Variants in STRA6 observed in about 807,000 individuals in gnomAD.
STRA6 encodes signaling receptor and transporter of retinol STRA6.
STRA6 carries 48 observed loss-of-function variants against 83.6 expected under a neutral mutation model. The observed-to-expected ratio is 0.57, with a 90% confidence interval of 0.46 to 0.73. The LOEUF (loss-of-function observed/expected upper bound fraction) is 0.73. Among genes scored for constraint, STRA6 ranks in the 30% least tolerant of loss-of-function variants. The pLI is 0.00. For missense variants in STRA6, 760 were observed against 838.8 expected, an observed-to-expected ratio of 0.91 and a Z score of 1.16; for synonymous variants, 353 against 362.3, an observed-to-expected ratio of 0.97 and a Z score of 0.29.
chr15:74,179,893 A>G lies in STRA6; in HGVS notation c.*187T>C. On this transcript the variant is annotated 3_prime_UTR_variant, in exon 19 of 19. Transcript: ENST00000395105. The stretch of plus-strand genomic sequence containing the variant: ...AACCCCTGCTGGCTCTCCCATAGCC[A>G]AGTGGGTGGAGCAGAGCCCTCCTGA... The G allele has an allele frequency of 1.4e-6, 1 of 735,148 alleles. No homozygotes were observed. The highest frequency in any genetic ancestry group is 1.9e-5 in the South Asian group (1 of 52,308). 45.5% of individuals were successfully genotyped at this position (735,148 alleles called of 1,614,324 possible).
intron 2 of STRA6, 184 bp from the exon 3 acceptor site, chr15:74,198,002 T>A (rs1490496625): frequency 4.5e-6 from 3 of 670,894 alleles, no homozygotes; most frequent in Non-Finnish European, 8.0e-6. Flanking sequence ...CTCGTGTCCC[T>A]GTGATGTGCC....
At chr15:74,202,062 C>G (rs2074094481) in intron 2 of STRA6, 93 bp downstream of exon 2, 2 of 1,330,616 alleles carry the variant, frequency 1.5e-6, no homozygotes, top group African/African-American at 3.0e-5. Flanking sequence ...CCTAGCAGCC[C>G]CTGCCCAGGA....
Position 74,202,745 on chromosome 15 carries a change from G to A in STRA6, c.-48C>T. 2 of 1,235,306 alleles carry A rather than the reference G, an allele frequency of 1.6e-6. No homozygotes were observed. The highest frequency in any genetic ancestry group is 2.0e-6 in the Non-Finnish European group (2 of 989,762). The allele number at this position is 1,235,306 out of a possible 1,614,324, so 76.5% of individuals were successfully genotyped here. On this transcript the variant is annotated 5_prime_UTR_variant, in exon 1 of 19. Transcript: ENST00000395105. ...GAGGCCCAGGGAGGAAGGAGTTGCA[G>A]AGATGAAAGGGTAGGCAGCCCACGG...
Position 74,180,262 on chromosome 15 carries a change from C to T in STRA6, c.1841-19G>A. 1 of 1,613,982 alleles carries T rather than the reference C, an allele frequency of 6.2e-7. No homozygotes were observed. Among genetic ancestry groups the T allele is most frequent in the Non-Finnish European group, 8.5e-7 (1 of 1,180,002 alleles). Reference sequence around the variant, plus strand: ...TGCATCCCTGAGAGAGACGGACTTTCTGTGAGTCACTCAGCAAACACCCAG... The same window carrying T: ...TGCATCCCTGAGAGAGACGGACTTTTTGTGAGTCACTCAGCAAACACCCAG... On this transcript the variant is annotated intron_variant, in intron 18 of 18. Coordinates refer to ENST00000395105, the MANE Select transcript of STRA6 (RefSeq NM_022369.4).
In STRA6 at chr15:74,180,137, T is replaced by C; in HGVS notation, c.1947A>G (p.Pro649=). 1 of 1,613,772 alleles carries C rather than the reference T, an allele frequency of 6.2e-7. No homozygotes were observed. The highest frequency in any genetic ancestry group is 8.5e-7 in the Non-Finnish European group (1 of 1,179,818). The part of the protein sequence containing the change: ...WGLAYTLLHN[P]TLQVFRKTAL... ...CCGTCTTGCGGAAGACCTGCAGGGT[T>C]GGGTTGTGCAGCAGCGTGTAGGCCA... Residue 649 remains proline, a synonymous_variant, in exon 19 of 19, where the codon CCA becomes CCG. Transcript: ENST00000395105.
Position 74,197,072 on chromosome 15 carries a change from C to T in STRA6, c.266+266G>A, listed in dbSNP as rs733163. ...CTGCCTGAGAAGGTACACTCTGACG[C>T]TGGGTCCTGTCAGGCTTGTTTCCCT... On this transcript the variant is annotated intron_variant, in intron 4 of 18. Coordinates refer to ENST00000395105, the MANE Select transcript of STRA6 (RefSeq NM_022369.4). Among the ~76,000 whole-genome samples the T allele has an allele frequency of 0.14, 21,022 of 152,142 alleles. 2,020 individuals are homozygous for T. Among genetic ancestry groups the T allele is most frequent in the Non-Finnish European group, 0.21 (14,268 of 67,958 alleles).
At chr15:74,190,585 A>T (rs927171894) in intron 11 of STRA6, among the ~76,000 whole-genome samples, 1 of 152,150 alleles carries the variant, frequency 6.6e-6, no homozygotes. Context: ...GCCACACAGG[A>T]GGTAAATAGT....
At position 74,180,041 on chromosome 15, in the gene STRA6, C is replaced by T. The variant is rs374693231; in HGVS notation, c.*39G>A. On this transcript the variant is annotated 3_prime_UTR_variant, in exon 19 of 19. Coordinates refer to ENST00000395105, the MANE Select transcript of STRA6 (RefSeq NM_022369.4). The stretch of plus-strand genomic sequence containing the variant: ...AGGAGGATGGTAGGCAGGAACATGC[C>T]TCAGCACAGATGGGCAGGTGGGTTG... 9.5e-5 allele frequency: 153 copies of T among 1,605,054 alleles called. 1 individual carries two copies. The highest frequency in any genetic ancestry group is 7.7e-5 in the Non-Finnish European group (90 of 1,173,370).
At chr15:74,203,523 T>G (rs1019142839), upstream of STRA6, among the ~76,000 whole-genome samples, 2 of 152,252 alleles carry the variant, frequency 1.3e-5, no homozygotes, top group African/African-American at 4.8e-5. Context: ...TGTGAGGGTC[T>G]CTGTCCTTCC....
At chr15:74,186,599 C>T (rs538822158) in intron 12 of STRA6, among the ~76,000 whole-genome samples, 2 of 152,206 alleles carry the variant, frequency 1.3e-5, no homozygotes, top group South Asian at 2.1e-4. Context: ...CAGAATGAGA[C>T]TCCGTCTCAA....
chr15:74,194,065 A>C, intron 7 of STRA6, 143 bp from the exon 8 acceptor site: 1 of 1,368,080 alleles, frequency 7.3e-7, no homozygotes, highest in South Asian at 1.2e-5. Context: ...ATGGTTCCCA[A>C]CCTGCCACCC....
At chr15:74,209,028 T>A (rs1053555721) in exon 1 of STRA6, 55 of 1,124,446 alleles carry the variant, frequency 4.9e-5, no homozygotes, top group Non-Finnish European at 5.7e-5. Flanking sequence ...AGGTGTTTGA[T>A]CTGCTCCTCC....
Position 74,189,151 on chromosome 15 carries a change from C to G in STRA6, c.1054G>C (p.Val352Leu), listed in dbSNP as rs557068917. ...IVLSEDKQEV[V>L]ELVKHHLWAL... ...CACAGATGGTGCTTCACCAGCTCCA[C>G]CACCTCCTGCTTGTCCTCGGAGAGC... The change falls in exon 12 of 19, where the codon GTG (valine) becomes CTG (leucine). Residue 352 changes from valine to leucine, a missense_variant. Transcript: ENST00000395105. The G allele has an allele frequency of 2.5e-5, 40 of 1,614,150 alleles. No individual in the cohort carries two copies. The Middle Eastern group carries it at 4.9e-4, about 20-fold the overall frequency.
upstream of STRA6, among the ~76,000 whole-genome samples, chr15:74,211,386 C>A (rs1206473511): frequency 6.7e-6 from 1 of 148,598 alleles, no homozygotes; most frequent in African/African-American, 2.5e-5. Context: ...TCAATATCTG[C>A]CCCTGGCTTT....
exon 1 of STRA6, chr15:74,209,021 T>A: frequency 9.1e-7 from 1 of 1,102,990 alleles, no homozygotes; most frequent in Non-Finnish European, 1.1e-6. Context: ...CTTTAAAAGG[T>A]GTTTGATCTG....
upstream of STRA6, among the ~76,000 whole-genome samples, chr15:74,207,252 A>T (rs2074280207): frequency 6.6e-6 from 1 of 152,238 alleles, no homozygotes; most frequent in Non-Finnish European, 1.5e-5. Context: ...GGGGAAGGCC[A>T]GCAGCATCCC....
intron 12 of STRA6, among the ~76,000 whole-genome samples, chr15:74,185,769 C>T (rs1293352365): frequency 1.3e-5 from 2 of 152,258 alleles, no homozygotes; most frequent in Admixed American, 6.5e-5. Context: ...CAAGGTTAGA[C>T]AGAAGAACTG....
chr15:74,184,047 C>T, intron 13 of STRA6, 58 bp from the exon 14 acceptor site: 1 of 1,603,526 alleles, frequency 6.2e-7, no homozygotes, highest in Non-Finnish European at 8.5e-7. Flanking sequence ...TTCCTAAATC[C>T]TCCTCTGGGC....
chr15:74,207,380 C>T (rs1467231571), upstream of STRA6, among the ~76,000 whole-genome samples: 1 of 152,132 alleles, frequency 6.6e-6, no homozygotes, highest in Non-Finnish European at 1.5e-5. Context: ...TCAGTATTGC[C>T]CCCAAGAAGC....
Sources: gnomAD v4.1 joint callset for allele counts (sites outside exome capture counted in the v4.1 genomes callset) on GRCh38, gnomAD v4.1.1 for gene constraint, MANE v1.5 for transcripts, NCBI Gene and HGNC (gene_info 2026-07-23, HGNC 2026-07-21) for gene names.